Variants in DOCK1 observed in about 807,000 individuals in gnomAD.
The protein encoded by DOCK1 is dedicator of cytokinesis 1, also known as dedicator of cytokinesis protein 1.
DOCK1 carries 138 observed loss-of-function variants against 262.7 expected under a neutral mutation model. That is an observed-to-expected ratio of 0.53 (90% CI 0.46 to 0.61). The LOEUF (loss-of-function observed/expected upper bound fraction) is 0.61. DOCK1 is among the 20% of genes least tolerant of loss of function. The pLI is 0.00. For synonymous variants in DOCK1, 866 were observed against 867.4 expected, an observed-to-expected ratio of 1.00 and a Z score of 0.03; for missense variants, 1,908 against 2,370.7, an observed-to-expected ratio of 0.80 and a Z score of 4.05.
At chr10:127,431,610 T>G (rs1279929001) in intron 47 of DOCK1, among the ~76,000 whole-genome samples, 3 of 152,204 alleles carry the variant, frequency 2.0e-5, no homozygotes, top group Non-Finnish European at 4.4e-5. Flanking sequence ...GGTCCAAGAC[T>G]GACCAACCCC....
At chr10:127,090,420 G>A (rs192213895) in intron 23 of DOCK1, among the ~76,000 whole-genome samples, 19 of 152,118 alleles carry the variant, frequency 1.2e-4, no homozygotes, top group African/African-American at 3.9e-4. Flanking sequence ...AAGGTCACCC[G>A]GTGACTATTC....
intron 33 of DOCK1, among the ~76,000 whole-genome samples, chr10:127,362,848 C>CTCACAT (rs879908737): frequency 9.7e-5 from 1 of 10,260 alleles, no homozygotes; most frequent in East Asian, 3.8e-3. Context: ...CACACACACA[C>CTCACAT]ACACATGTAC....
At chr10:126,983,522 G>A (rs1002825417) in intron 4 of DOCK1, among the ~76,000 whole-genome samples, 1 of 152,056 alleles carries the variant, frequency 6.6e-6, no homozygotes, top group Non-Finnish European at 1.5e-5. Context: ...TTGCATGATC[G>A]TTCTCATATG....
At chr10:127,321,701 C>T (rs1197659491) in intron 29 of DOCK1, among the ~76,000 whole-genome samples, 6 of 150,258 alleles carry the variant, frequency 4.0e-5, no homozygotes, top group Non-Finnish European at 1.5e-5. Flanking sequence ...GCGTCCTTCC[C>T]TTCAGCCAAA....
intron 21 of DOCK1, among the ~76,000 whole-genome samples, chr10:127,047,146 C>G (rs577374825): frequency 6.6e-6 from 1 of 152,132 alleles, no homozygotes; most frequent in South Asian, 2.1e-4. Context: ...GTTGTTAATT[C>G]AGTTGTTCTT....
intron 1 of DOCK1, among the ~76,000 whole-genome samples, chr10:126,919,738 C>G (rs2134090295): frequency 6.6e-6 from 1 of 152,346 alleles, no homozygotes; most frequent in Non-Finnish European, 1.5e-5. Flanking sequence ...TGCTTCCCCT[C>G]CAGTCCCCCT....
intron 12 of DOCK1, among the ~76,000 whole-genome samples, chr10:127,018,155 T>G (rs2042152252): frequency 6.6e-6 from 1 of 152,222 alleles, no homozygotes; most frequent in Admixed American, 6.5e-5. Flanking sequence ...GGGCCTGGGC[T>G]CCACAGGCTG....
intron 23 of DOCK1, among the ~76,000 whole-genome samples, chr10:127,099,505 C>T (rs2048108144): frequency 6.6e-6 from 1 of 152,110 alleles, no homozygotes; most frequent in Admixed American, 6.5e-5. Context: ...ATAGTGCAGT[C>T]ATCTGCTTCT....
chr10:127,248,249 A>G, intron 28 of DOCK1, 140 bp downstream of exon 28: 1 of 790,224 alleles, frequency 1.3e-6, no homozygotes, highest in Non-Finnish European at 2.0e-6. Flanking sequence ...GCCTCCTGGG[A>G]AGGTCTGACT....
At chr10:127,021,214 G>A (rs755474355) in intron 13 of DOCK1, among the ~76,000 whole-genome samples, 2 of 152,144 alleles carry the variant, frequency 1.3e-5, no homozygotes, top group African/African-American at 4.8e-5. Context: ...CACCCGGGCT[G>A]GAGTGCAGTA....
chr10:127,099,851 T>G (rs2048131002), intron 23 of DOCK1, among the ~76,000 whole-genome samples: 1 of 152,200 alleles, frequency 6.6e-6, no homozygotes, highest in African/African-American at 2.4e-5. Context: ...AAATGATGTC[T>G]AAGCTAAGGA....
intron 42 of DOCK1, among the ~76,000 whole-genome samples, chr10:127,409,718 C>G (rs1456603807): frequency 6.6e-6 from 1 of 152,168 alleles, no homozygotes; most frequent in Non-Finnish European, 1.5e-5. Flanking sequence ...TAGGGAACTT[C>G]ACAGCAGTGC....
chr10:127,144,064 G>A (rs912387615), intron 27 of DOCK1, among the ~76,000 whole-genome samples: 1 of 151,994 alleles, frequency 6.6e-6, no homozygotes, highest in Admixed American at 6.6e-5. Context: ...CAGAACACCC[G>A]GTGTCCTTCC....
At chr10:127,314,985 C>T (rs527268547) in intron 29 of DOCK1, among the ~76,000 whole-genome samples, 3 of 152,216 alleles carry the variant, frequency 2.0e-5, no homozygotes, top group African/African-American at 2.4e-5. Context: ...CTGGTCACCA[C>T]GGAGCAGGGG....
chr10:127,173,601 A>G (rs2054786892), intron 27 of DOCK1, among the ~76,000 whole-genome samples: 1 of 152,166 alleles, frequency 6.6e-6, no homozygotes. Context: ...TTATTTCACC[A>G]AAGATGTTGG....
intron 27 of DOCK1, among the ~76,000 whole-genome samples, chr10:127,191,760 A>G (rs1232383739): frequency 6.6e-6 from 1 of 152,204 alleles, no homozygotes; most frequent in Non-Finnish European, 1.5e-5. Context: ...GAACAGCTGT[A>G]AAAAGGCCCT....
At chr10:127,159,241 A>G (rs149196798) in intron 27 of DOCK1, among the ~76,000 whole-genome samples, 271 of 152,264 alleles carry the variant, frequency 1.8e-3, no homozygotes, top group African/African-American at 6.1e-3. Flanking sequence ...TCTTCACAGG[A>G]CTTTGCTCTA....
intron 12 of DOCK1, among the ~76,000 whole-genome samples, chr10:127,017,967 C>T (rs1035599560): frequency 1.8e-4 from 28 of 152,158 alleles, no homozygotes; most frequent in African/African-American, 6.0e-4. Flanking sequence ...AGGAAGATCC[C>T]GCGCACATCC....
chr10:127,278,649 C>T (rs533740156), intron 29 of DOCK1, among the ~76,000 whole-genome samples: 6 of 152,210 alleles, frequency 3.9e-5, no homozygotes, highest in African/African-American at 1.4e-4. Flanking sequence ...AAGCACCACT[C>T]AGGCTGTGAG....
Sources: allele counts gnomAD v4.1 joint callset (sites outside exome capture counted in the v4.1 genomes callset), GRCh38; gene constraint gnomAD v4.1.1; transcripts MANE v1.5; gene names NCBI Gene and HGNC (gene_info 2026-07-23, HGNC 2026-07-21).